SLC7A14: variants seen among roughly 807,000 people sequenced by gnomAD.
SLC7A14 encodes gamma-aminobutyric acid transporter SLC7A14.
SLC7A14 carries 37 observed loss-of-function variants against 60.2 expected under a neutral mutation model. The ratio of observed to expected loss-of-function variants is 0.61; its 90% confidence interval spans 0.47 to 0.81. SLC7A14 has a LOEUF of 0.81. Ranked by LOEUF, SLC7A14 falls within the 30% of genes least tolerant of loss-of-function variation. The probability of loss-of-function intolerance (pLI) is 0.00; values close to 1 mark genes in which losing one functional copy is unlikely to be tolerated. For synonymous variants in SLC7A14, 399 were observed against 395.8 expected, an observed-to-expected ratio of 1.01 and a Z score of -0.10; for missense variants, 886 against 982.7, an observed-to-expected ratio of 0.90 and a Z score of 1.32.
intron 1 of SLC7A14, among the ~76,000 whole-genome samples, chr3:170,574,698 T>C (rs751968854): frequency 6.6e-6 from 1 of 152,232 alleles, no homozygotes; most frequent in Non-Finnish European, 1.5e-5. Context: ...GAAAAGGTCC[T>C]GGAATGAACC....
At chr3:170,515,495 C>G (rs1452795825) in intron 2 of SLC7A14, among the ~76,000 whole-genome samples, 1 of 151,922 alleles carries the variant, frequency 6.6e-6, no homozygotes, top group Non-Finnish European at 1.5e-5. Flanking sequence ...TTGGAAAGCT[C>G]TAGGGTTAAA....
intron 6 of SLC7A14, among the ~76,000 whole-genome samples, chr3:170,481,652 A>C (rs763736259): frequency 1.2e-4 from 18 of 152,126 alleles, no homozygotes; most frequent in Non-Finnish European, 2.5e-4. Flanking sequence ...CACCCACCTC[A>C]GCCTCCCAGA....
intron 1 of SLC7A14, among the ~76,000 whole-genome samples, chr3:170,579,032 T>C (rs35784449): frequency 0.13 from 19,523 of 152,212 alleles, 1,587 homozygotes; most frequent in East Asian, 0.25. Flanking sequence ...AGGGAAATAA[T>C]CTGAAATCCA....
At chr3:170,584,967 G>A (rs1021788915) in intron 1 of SLC7A14, among the ~76,000 whole-genome samples, 17 of 152,280 alleles carry the variant, frequency 1.1e-4, no homozygotes, top group African/African-American at 3.4e-4. Context: ...GAACAGGAGC[G>A]AGCCCCGCTG....
Position 170,501,177 on chromosome 3 carries a change from A to C in SLC7A14, c.473T>G (p.Phe158Cys). ...AAGASALSSM[F>C]DSLANHTISR... is the part of the protein sequence containing the mutation. ...GATGGTGTGGTTGGCTAGTGAGTCA[A>C]ACATGCTGCTCAGAGCACTGGCTCC... The change falls in exon 3 of 8, where the codon TTT (phenylalanine) becomes TGT (cysteine). Residue 158 changes from phenylalanine to cysteine, a missense_variant. Physicochemically the swap from Phe to Cys is radical, Grantham distance 205. Transcript: ENST00000231706. The C allele has an allele frequency of 6.2e-7, 1 of 1,614,216 alleles. No individual in the cohort carries two copies. The highest frequency in any genetic ancestry group is 8.5e-7 in the Non-Finnish European group (1 of 1,180,048).
At chr3:170,566,717 C>T (rs1057321211) in intron 1 of SLC7A14, among the ~76,000 whole-genome samples, 1 of 151,888 alleles carries the variant, frequency 6.6e-6, no homozygotes, top group Non-Finnish European at 1.5e-5. Context: ...ACTCATCCTA[C>T]AGCCATTGAG....
At chr3:170,510,719 G>T (rs1712953569) in intron 2 of SLC7A14, among the ~76,000 whole-genome samples, 1 of 152,170 alleles carries the variant, frequency 6.6e-6, no homozygotes, top group African/African-American at 2.4e-5. Flanking sequence ...GCCCAGATTG[G>T]TCCTTCTTCA....
intron 3 of SLC7A14, among the ~76,000 whole-genome samples, chr3:170,500,141 C>T (rs1446571915): frequency 6.6e-6 from 1 of 152,078 alleles, no homozygotes; most frequent in Non-Finnish European, 1.5e-5. Flanking sequence ...GTGAGTTTAT[C>T]AGGCATCAAG....
rs1401542116 is a variant in SLC7A14 at position 170,461,927 on chromosome 3, T to C, written c.*5128A>G. ...CAGCCCTCGTGGCGACTTCTGGATG[T>C]GTTTCCTTTGCTCTCCTCTCTTTCC... On this transcript the variant is annotated 3_prime_UTR_variant, in exon 8 of 8. Transcript: ENST00000231706. The C allele has an allele frequency of 6.6e-6, 1 of 152,636 alleles. No individual in the cohort carries two copies. Among genetic ancestry groups the C allele is most frequent in the Non-Finnish European group, 1.5e-5 (1 of 68,090 alleles). 9.5% of individuals were successfully genotyped at this position (152,636 alleles called of 1,614,324 possible).
chr3:170,549,615 G>A (rs1328409490), intron 1 of SLC7A14, among the ~76,000 whole-genome samples: 1 of 152,150 alleles, frequency 6.6e-6, no homozygotes, highest in African/African-American at 2.4e-5. Context: ...TCGCCAGTGT[G>A]ACACTTATGA....
intron 2 of SLC7A14, among the ~76,000 whole-genome samples, chr3:170,525,606 T>C (rs79981465): frequency 0.11 from 17,405 of 152,260 alleles, 1,215 homozygotes; most frequent in East Asian, 0.19. Flanking sequence ...CTGCCTATCT[T>C]TATTATTTAT....
chr3:170,520,576 A>C (rs761724868), intron 2 of SLC7A14, among the ~76,000 whole-genome samples: 15 of 152,200 alleles, frequency 9.9e-5, no homozygotes, highest in Non-Finnish European at 2.2e-4. Flanking sequence ...TTTTTGCCAA[A>C]CATTTCTTAT....
At position 170,532,679 on chromosome 3, in the gene SLC7A14, TTTTTTG is replaced by T. The variant is rs1053654421; in HGVS notation, c.-152-5597_-152-5592del. On this transcript the variant is annotated intron_variant, in intron 1 of 7. Coordinates refer to ENST00000231706, the MANE Select transcript of SLC7A14 (RefSeq NM_020949.3). This position sits in a 1 kb window ranked among gnomAD's most constrained non-coding sequence, Gnocchi z 4.0. ...GTGGCCCCTGACCAGGTGTTTTTTT[TTTTTTG>T]TTGTTGTTGTTCCCTGCTACTGACA... is the stretch of plus-strand genomic sequence containing the variant. Among the ~76,000 whole-genome samples the T allele has an allele frequency of 6.0e-5, 9 of 149,224 alleles. No homozygotes were observed. The highest frequency in any genetic ancestry group is 2.3e-4 in the African/African-American group (9 of 38,866).
chr3:170,507,498 C>T (rs1259345139), intron 2 of SLC7A14, among the ~76,000 whole-genome samples: 1 of 152,010 alleles, frequency 6.6e-6, no homozygotes, highest in Non-Finnish European at 1.5e-5. Context: ...TTTTAAGCTA[C>T]TTCTTGGAGG....
intron 7 of SLC7A14, among the ~76,000 whole-genome samples, chr3:170,475,451 G>C (rs751062072): frequency 6.6e-6 from 1 of 152,164 alleles, no homozygotes; most frequent in Non-Finnish European, 1.5e-5. Flanking sequence ...TGGAGGCTCA[G>C]AAGTTCAGAG....
At chr3:170,552,607 C>A (rs1329588406) in intron 1 of SLC7A14, among the ~76,000 whole-genome samples, 1 of 152,192 alleles carries the variant, frequency 6.6e-6, no homozygotes, top group Non-Finnish European at 1.5e-5. Flanking sequence ...TAGCCTCTGA[C>A]AACTAAATGA....
chr3:170,504,483 GC>G (rs1174595210), intron 2 of SLC7A14, among the ~76,000 whole-genome samples: 2 of 151,928 alleles, frequency 1.3e-5, no homozygotes, highest in Non-Finnish European at 2.9e-5. Context: ...ACTATGCCTG[GC>G]TAATTTTTGT....
At chr3:170,574,285 T>C (rs1715029360) in intron 1 of SLC7A14, among the ~76,000 whole-genome samples, 1 of 152,240 alleles carries the variant, frequency 6.6e-6, no homozygotes, top group Admixed American at 6.5e-5. Context: ...GATCTTTGTC[T>C]ACAGTAATGA....
chr3:170,583,574 T>C (rs967815153), intron 1 of SLC7A14, among the ~76,000 whole-genome samples: 6 of 152,244 alleles, frequency 3.9e-5, no homozygotes, highest in Admixed American at 2.6e-4. Context: ...CTTAGACTAA[T>C]GACCATCTTT....
Sources: gnomAD v4.1 joint callset for allele counts (sites outside exome capture counted in the v4.1 genomes callset) on GRCh38, gnomAD v4.1.1 for gene constraint, Gnocchi (gnomAD v3.1) non-coding constraint, MANE v1.5 for transcripts, NCBI Gene and HGNC (gene_info 2026-07-23, HGNC 2026-07-21) for gene names.